The following TMEM65 variants were observed in gnomAD, a reference collection of about 807,000 sequenced individuals.
The protein encoded by TMEM65 is transmembrane protein 65.
A neutral mutation model predicts 25.4 loss-of-function variants in TMEM65; 22 were observed. That is an observed-to-expected ratio of 0.86 (90% CI 0.62 to 1.23). The LOEUF (loss-of-function observed/expected upper bound fraction) is 1.23, where lower values mean the gene tolerates loss of function less well. TMEM65 is among the 50% of genes most tolerant of loss of function. The probability of loss-of-function intolerance (pLI) is 0.00; values close to 1 mark genes in which losing one functional copy is unlikely to be tolerated. For missense variants in TMEM65, 262 were observed against 308.2 expected (o/e 0.85, Z 1.12); for synonymous variants, 132 against 126.2 (o/e 1.05, Z -0.31).
chr8:124,316,069 C>T (rs993112970), intron 6 of TMEM65, among the ~76,000 whole-genome samples: 1 of 152,114 alleles, frequency 6.6e-6, no homozygotes, highest in Non-Finnish European at 1.5e-5. Context: ...TTAGGAATAC[C>T]AGTCAGTGAT....
intron 1 of TMEM65, among the ~76,000 whole-genome samples, chr8:124,368,726 T>A (rs188477508): frequency 1.3e-5 from 2 of 152,264 alleles, no homozygotes; most frequent in African/African-American, 4.8e-5. Context: ...TGGAAATGGA[T>A]CCTCCAGCCC....
At position 124,372,118 on chromosome 8, in the gene TMEM65, G is replaced by C; in HGVS notation, c.40C>G (p.Arg14Gly). ...LLPLLRSRTA[R>G]SLRPGPAAAA... ...GCGGCCGGGCCCGGCCTCAGGCTGC[G>C]CGCGGTCCGGCTCCTCAGCAGCGGC... The change falls in exon 1 of 7, where the codon CGC becomes GGC. Residue 14 changes from arginine to glycine, a missense_variant. Arg to Gly is a moderately radical substitution (Grantham distance 125). Coordinates refer to ENST00000297632, the MANE Select transcript of TMEM65 (RefSeq NM_194291.3). The C allele has an allele frequency of 2.6e-6, 3 of 1,148,376 alleles. No individual in the cohort carries two copies. Among genetic ancestry groups the C allele is most frequent in the Non-Finnish European group, 3.2e-6 (3 of 930,944 alleles). The allele number at this position is 1,148,376 out of a possible 1,614,324, so 71.1% of individuals were successfully genotyped here. A position where few individuals can be genotyped will look rare whatever the true frequency, so the allele number is the denominator to read the frequency against.
Position 124,368,915 on chromosome 8 carries a change from T to G in TMEM65, c.304+2939A>C, listed in dbSNP as rs545037236. On this transcript the variant is annotated intron_variant, in intron 1 of 6. Coordinates refer to ENST00000297632, the MANE Select transcript of TMEM65 (RefSeq NM_194291.3). ...GGATAATTTGTTATACCGCAATGGA[T>G]AACTAATACAATGAGCACTGTCTAT... 7.2e-5 allele frequency among the ~76,000 whole-genome samples: 11 copies of G among 152,348 alleles called. No homozygotes were observed. The South Asian group carries it at 2.3e-3, about 32-fold the overall frequency.
chr8:124,313,912 T>C lies in TMEM65; in HGVS notation c.*48A>G. 7.9e-7 allele frequency: 1 copy of C among 1,262,120 alleles called. No homozygotes were observed. The highest frequency in any genetic ancestry group is 1.1e-6 in the Non-Finnish European group (1 of 873,774). 78.2% of individuals were successfully genotyped at this position (1,262,120 alleles called of 1,614,324 possible). On this transcript the variant is annotated 3_prime_UTR_variant, in exon 7 of 7. Transcript: ENST00000297632. ...CTAAATGTTGTGACAGCATATTTAA[T>C]TACTGAGGTACATTAGTTTACATCT...
At chr8:124,340,366 C>T (rs2131212306) in intron 1 of TMEM65, among the ~76,000 whole-genome samples, 1 of 152,162 alleles carries the variant, frequency 6.6e-6, no homozygotes, top group East Asian at 1.9e-4. Flanking sequence ...AGAATGCTAT[C>T]TATTTGACTT....
At chr8:124,349,179 C>G (rs376585079) in intron 1 of TMEM65, among the ~76,000 whole-genome samples, 1 of 152,100 alleles carries the variant, frequency 6.6e-6, no homozygotes, top group Non-Finnish European at 1.5e-5. Flanking sequence ...ATGGAAGAAC[C>G]AAGAATCAAT....
intron 1 of TMEM65, among the ~76,000 whole-genome samples, chr8:124,354,717 T>C (rs1342914396): frequency 1.3e-5 from 2 of 152,188 alleles, no homozygotes; most frequent in Non-Finnish European, 2.9e-5. Context: ...ACACCTTTAC[T>C]TCTACCTCTG....
chr8:124,352,457 A>C (rs1814723058), intron 1 of TMEM65, among the ~76,000 whole-genome samples: 1 of 150,292 alleles, frequency 6.7e-6, no homozygotes, highest in African/African-American at 2.5e-5. Flanking sequence ...TTCCACTTAA[A>C]TTCCTTGAAT....
intron 1 of TMEM65, among the ~76,000 whole-genome samples, chr8:124,356,613 ATC>A (rs1419588462): frequency 6.6e-6 from 1 of 151,974 alleles, no homozygotes; most frequent in African/African-American, 2.4e-5. Context: ...AAAGACATCA[ATC>A]TCTTTCACGT....
At chr8:124,339,699 T>C (rs747260641) in intron 1 of TMEM65, among the ~76,000 whole-genome samples, 33 of 151,870 alleles carry the variant, frequency 2.2e-4, no homozygotes, top group South Asian at 4.1e-4. Context: ...TTTTACTAGA[T>C]GGGATTCAGG....
At chr8:124,370,039 A>T (rs937599961) in intron 1 of TMEM65, among the ~76,000 whole-genome samples, 1 of 152,202 alleles carries the variant, frequency 6.6e-6, no homozygotes, top group Admixed American at 6.5e-5. Context: ...CATATTAGTA[A>T]CATAACTAAG....
chr8:124,329,915 T>A (rs1368622685), intron 2 of TMEM65, among the ~76,000 whole-genome samples: 1 of 151,952 alleles, frequency 6.6e-6, no homozygotes, highest in African/African-American at 2.4e-5. Flanking sequence ...AAAGAATTTT[T>A]AAATTGTTTT....
chr8:124,354,745 C>A (rs796488972), intron 1 of TMEM65, among the ~76,000 whole-genome samples: 4 of 152,302 alleles, frequency 2.6e-5, no homozygotes, highest in African/African-American at 9.6e-5. Flanking sequence ...CTGCTTCTTT[C>A]CCTTCCCTTC....
chr8:124,350,489 A>T (rs1466547777), intron 1 of TMEM65, among the ~76,000 whole-genome samples: 1 of 147,696 alleles, frequency 6.8e-6, no homozygotes, highest in East Asian at 2.4e-4. Flanking sequence ...ACACACACAC[A>T]CACACACACA....
chr8:124,320,427 T>C (rs1253313852), intron 5 of TMEM65, among the ~76,000 whole-genome samples: 2 of 152,230 alleles, frequency 1.3e-5, no homozygotes, highest in Admixed American at 1.3e-4. Context: ...ATTGCATATA[T>C]TGTTTAAAAA....
In TMEM65 at chr8:124,313,214, G is replaced by T. The variant is rs1814187808; in HGVS notation, c.*746C>A. On this transcript the variant is annotated 3_prime_UTR_variant, in exon 7 of 7. Transcript: ENST00000297632. ...ATCATTTGCTTCCCCTCAAAAGTCA[G>T]AATCCACCATGTAATTATTCAAAAC... 6.6e-6 allele frequency: 1 copy of T among 151,578 alleles called. No individual in the cohort carries two copies. Among genetic ancestry groups the T allele is most frequent in the African/African-American group, 2.4e-5 (1 of 41,278 alleles). 9.4% of individuals were successfully genotyped at this position (151,578 alleles called of 1,614,324 possible).
At chr8:124,371,832 G>GC (rs770602257) in intron 1 of TMEM65, 22 bp downstream of exon 1, 88 of 1,499,714 alleles carry the variant, frequency 5.9e-5, no homozygotes, top group Non-Finnish European at 7.5e-5. Flanking sequence ...CCCCGGGCTC[G>GC]CCCCCCACCT....
At chr8:124,365,098 T>C (rs1208901569) in intron 1 of TMEM65, among the ~76,000 whole-genome samples, 1 of 152,230 alleles carries the variant, frequency 6.6e-6, no homozygotes, top group Non-Finnish European at 1.5e-5. Context: ...TATAAATTGC[T>C]GACTTTATAT....
chr8:124,319,161 G>A (rs562824836), intron 6 of TMEM65, among the ~76,000 whole-genome samples: 40 of 152,180 alleles, frequency 2.6e-4, no homozygotes, highest in South Asian at 8.3e-4. Context: ...CACTAACTCT[G>A]ACCTATCTAA....
Sources: gnomAD v4.1 joint callset for allele counts (sites outside exome capture counted in the v4.1 genomes callset) on GRCh38, gnomAD v4.1.1 for gene constraint, MANE v1.5 for transcripts, NCBI Gene and HGNC (gene_info 2026-07-23, HGNC 2026-07-21) for gene names.